Variants in ARL15 observed in about 807,000 individuals in gnomAD.
ARL15 encodes the protein ADP-ribosylation factor-like protein 15.
Under a neutral mutation model 25.2 loss-of-function variants are expected in ARL15, and 19 were observed. That is an observed-to-expected ratio of 0.75 (90% confidence interval 0.53 to 1.10). The LOEUF (loss-of-function observed/expected upper bound fraction) is 1.10, where lower values mean the gene tolerates loss of function less well. Ranked by LOEUF, ARL15 falls within the 50% of genes least tolerant of loss-of-function variation. The pLI is 0.00. For missense variants in ARL15, 220 were observed against 246.0 expected (o/e 0.89, Z 0.71); for synonymous variants, 94 against 86.8 (o/e 1.08, Z -0.46).
intron 4 of ARL15, among the ~76,000 whole-genome samples, chr5:53,958,731 G>A (rs1747256738): frequency 6.6e-6 from 1 of 152,066 alleles, no homozygotes; most frequent in Non-Finnish European, 1.5e-5. Flanking sequence ...AAAAGATATT[G>A]TATGCACATA....
Position 54,163,355 on chromosome 5 carries a change from GCTT to G in ARL15, c.193+8426_193+8428del, listed in dbSNP as rs1438942268. ...TGTCCATGAGGGCTATTGGTATGAA[GCTT>G]TTTTTTTTTTTTTTTTTTTTTTTTT... On this transcript the variant is annotated intron_variant, in intron 2 of 4. Coordinates refer to ENST00000504924, the MANE Select transcript of ARL15 (RefSeq NM_019087.3). Among the ~76,000 whole-genome samples, 203 of 51,336 alleles carry G rather than the reference GCTT, an allele frequency of 4.0e-3. 68 individuals are homozygous for G. Among genetic ancestry groups the G allele is most frequent in the Non-Finnish European group, 4.9e-3 (137 of 28,244 alleles). The allele number at this position is 51,336 out of a possible 152,430, so 33.7% of individuals were successfully genotyped here. A position where few individuals can be genotyped will look rare whatever the true frequency, so the allele number is the denominator to read the frequency against.
chr5:54,037,657 T>C (rs557565024), intron 4 of ARL15, among the ~76,000 whole-genome samples: 4 of 152,106 alleles, frequency 2.6e-5, no homozygotes, highest in Non-Finnish European at 5.9e-5. Flanking sequence ...TTGGCAACCA[T>C]TGTGAACTTC....
chr5:54,276,133 C>A (rs963403087), intron 1 of ARL15, among the ~76,000 whole-genome samples: 1 of 152,160 alleles, frequency 6.6e-6, no homozygotes, highest in Non-Finnish European at 1.5e-5. Context: ...GCCAAGCCAA[C>A]ACCTTAATTC....
At position 54,113,399 on chromosome 5, in the gene ARL15, T is replaced by C. The variant is rs781285864; in HGVS notation, c.265A>G (p.Ile89Val). The C allele has an allele frequency of 1.9e-6, 3 of 1,613,724 alleles. No homozygotes were observed. The highest frequency in any genetic ancestry group is 2.5e-6 in the Non-Finnish European group (3 of 1,179,802). ...NVKELGGADN[I>V]RKYWSRYYQG... is the part of the protein sequence containing the mutation. ...TAGTAGCGGCTCCAGTATTTCCGGA[T>C]GTTATCAGCCCCTGTCAAAAACAAA... The change falls in exon 4 of 5, where the codon ATC (isoleucine) becomes GTC (valine). Residue 89 changes from isoleucine to valine, a missense_variant. Ile to Val is a conservative substitution (Grantham distance 29, BLOSUM62 3). Transcript: ENST00000504924.
intron 4 of ARL15, among the ~76,000 whole-genome samples, chr5:54,111,350 GA>G (rs1325988332): frequency 6.6e-6 from 1 of 151,972 alleles, no homozygotes; most frequent in Non-Finnish European, 1.5e-5. Context: ...ACTGAAAGAT[GA>G]ATCACAAAAA....
At chr5:54,017,448 C>T (rs1406248565) in intron 4 of ARL15, among the ~76,000 whole-genome samples, 1 of 151,914 alleles carries the variant, frequency 6.6e-6, no homozygotes. Flanking sequence ...TATCAGGGGC[C>T]CTGCAGCCAC....
chr5:54,198,976 C>T (rs905416076), intron 1 of ARL15, among the ~76,000 whole-genome samples: 2 of 151,646 alleles, frequency 1.3e-5, no homozygotes, highest in African/African-American at 4.8e-5. Context: ...AGAACAGAGC[C>T]CTCAGAAATA....
chr5:53,963,141 G>C (rs1747425711), intron 4 of ARL15, among the ~76,000 whole-genome samples: 1 of 152,220 alleles, frequency 6.6e-6, no homozygotes, highest in African/African-American at 2.4e-5. Flanking sequence ...AAGAATTTGA[G>C]AGTAGATGTT....
At position 54,029,765 on chromosome 5, in the gene ARL15, G is replaced by A. The variant is rs375131528; in HGVS notation, c.462+83437C>T. Among the ~76,000 whole-genome samples the A allele has an allele frequency of 3.9e-4, 59 of 152,166 alleles. No individual in the cohort carries two copies. The East Asian group carries it at 0.01, about 27-fold the overall frequency. ...TCTCAGCACTTCGGGAGGCTGAGGC[G>A]GGCAGATCACGAGGTCAGGAGATCG... On this transcript the variant is annotated intron_variant, in intron 4 of 4. Coordinates refer to ENST00000504924, the MANE Select transcript of ARL15 (RefSeq NM_019087.3).
chr5:54,299,046 G>A (rs564147002), intron 1 of ARL15, among the ~76,000 whole-genome samples: 45 of 152,050 alleles, frequency 3.0e-4, no homozygotes, highest in Admixed American at 2.2e-3. Flanking sequence ...TGGGGCCACC[G>A]GTGCATGCCA....
At chr5:53,918,089 G>T (rs1237910878) in intron 4 of ARL15, among the ~76,000 whole-genome samples, 2 of 152,168 alleles carry the variant, frequency 1.3e-5, no homozygotes, top group African/African-American at 2.4e-5. Flanking sequence ...AACACTAGAT[G>T]CCCAAGTGTA....
chr5:54,290,640 AT>A (rs1317712241), intron 1 of ARL15, among the ~76,000 whole-genome samples: 3 of 152,124 alleles, frequency 2.0e-5, no homozygotes, highest in Non-Finnish European at 4.4e-5. Flanking sequence ...AATATTTAAT[AT>A]TTTTAATGCT....
At chr5:54,300,531 A>G (rs535452224) in intron 1 of ARL15, among the ~76,000 whole-genome samples, 1 of 152,358 alleles carries the variant, frequency 6.6e-6, no homozygotes, top group South Asian at 2.1e-4. Context: ...CCGATTCACG[A>G]GTAAAATACA....
intron 2 of ARL15, among the ~76,000 whole-genome samples, chr5:54,158,764 T>C (rs1195725571): frequency 6.6e-6 from 1 of 152,086 alleles, no homozygotes; most frequent in Non-Finnish European, 1.5e-5. Flanking sequence ...TCCCAGCTAC[T>C]TGGGAGGCTG....
chr5:53,977,133 C>A (rs894476249), intron 4 of ARL15, among the ~76,000 whole-genome samples: 2 of 151,946 alleles, frequency 1.3e-5, no homozygotes, highest in Admixed American at 1.3e-4. Context: ...CCGAGGCGGG[C>A]GGATCACAAG....
intron 4 of ARL15, among the ~76,000 whole-genome samples, chr5:53,964,701 C>T (rs946693628): frequency 1.3e-5 from 2 of 152,198 alleles, no homozygotes; most frequent in African/African-American, 2.4e-5. Flanking sequence ...AACCAAAATT[C>T]ATAGGCTCCC....
At chr5:53,933,990 T>C (rs1406802055) in intron 4 of ARL15, among the ~76,000 whole-genome samples, 1 of 152,200 alleles carries the variant, frequency 6.6e-6, no homozygotes, top group Non-Finnish European at 1.5e-5. Context: ...ATTTTTCTTT[T>C]ACTCTAACAA....
chr5:54,171,217 C>T (rs1276914191), intron 2 of ARL15, among the ~76,000 whole-genome samples: 2 of 152,130 alleles, frequency 1.3e-5, no homozygotes, highest in Non-Finnish European at 2.9e-5. Context: ...AGTAATACCC[C>T]TCCCCACAAA....
chr5:54,160,496 A>C lies in ARL15; in HGVS notation c.194-5857T>G, dbSNP rs908384328. 9.9e-5 allele frequency among the ~76,000 whole-genome samples: 15 copies of C among 152,180 alleles called. 1 individual carries two copies. The highest frequency in any genetic ancestry group is 4.6e-4 in the Admixed American group (7 of 15,282). On this transcript the variant is annotated intron_variant, in intron 2 of 4. Coordinates refer to ENST00000504924, the MANE Select transcript of ARL15 (RefSeq NM_019087.3). ...AGATTCCATTCCTCTGCTTCAAAAA[A>C]AAAAGTGAACATTTATGTAATCTAC...
Sources: gnomAD v4.1 joint callset for allele counts (sites outside exome capture counted in the v4.1 genomes callset) on GRCh38, gnomAD v4.1.1 for gene constraint, MANE v1.5 for transcripts, NCBI Gene and HGNC (gene_info 2026-07-23, HGNC 2026-07-21) for gene names.